LDB3: variants seen among roughly 807,000 people sequenced by gnomAD.
LDB3 encodes LIM domain binding 3.
LDB3 carries 49 observed loss-of-function variants against 69.0 expected under a neutral mutation model. That is an observed-to-expected ratio of 0.71 (90% confidence interval 0.56 to 0.90). The LOEUF (loss-of-function observed/expected upper bound fraction) is 0.90, where lower values mean the gene tolerates loss of function less well. Ranked by LOEUF, LDB3 falls within the 40% of genes least tolerant of loss-of-function variation. The pLI is 0.00. For missense variants in LDB3, 928 were observed against 974.1 expected, an observed-to-expected ratio of 0.95 and a Z score of 0.63; for synonymous variants, 387 against 396.2, an observed-to-expected ratio of 0.98 and a Z score of 0.28.
chr10:86,676,976 A>G (rs895511708), intron 2 of LDB3, among the ~76,000 whole-genome samples: 7 of 152,330 alleles, frequency 4.6e-5, no homozygotes, highest in Admixed American at 2.6e-4. Flanking sequence ...CTTGGCCTGA[A>G]TCTAGCTTCT....
At chr10:86,670,908 C>T (rs1240752991) in intron 2 of LDB3, among the ~76,000 whole-genome samples, 2 of 152,234 alleles carry the variant, frequency 1.3e-5, no homozygotes, top group Non-Finnish European at 2.9e-5. Context: ...TGTCCTGGTT[C>T]AGTGCCGCTG....
chr10:86,721,714 GC>G (rs1847089477), intron 12 of LDB3, among the ~76,000 whole-genome samples: 1 of 152,148 alleles, frequency 6.6e-6, no homozygotes, highest in Non-Finnish European at 1.5e-5. Context: ...AGATCTTCAG[GC>G]CCCACCCCAG....
At chr10:86,667,310 C>G (rs544704624), upstream of LDB3, among the ~76,000 whole-genome samples, 1 of 152,264 alleles carries the variant, frequency 6.6e-6, no homozygotes, top group South Asian at 2.1e-4. Context: ...CAGACCCCTC[C>G]AAGAGGGCCA....
At chr10:86,716,195 T>C in intron 9 of LDB3, 132 bp from the exon 10 acceptor site, 1 of 1,029,454 alleles carries the variant, frequency 9.7e-7, no homozygotes, top group Non-Finnish European at 1.5e-6. Context: ...GGAACAAGTC[T>C]CCCAAAAAAA....
At position 86,726,169 on chromosome 10, in the gene LDB3, G is replaced by A. The variant is rs1397121788; in HGVS notation, c.2011G>A (p.Gly671Ser). The change falls in exon 13 of 14, where the codon GGC (glycine) becomes AGC (serine). Residue 671 changes from glycine to serine, a missense_variant. Transcript: ENST00000361373. Reference sequence around the variant, plus strand: ...CAATCTGTTCAGCACCAAGTGCCATGGCTGCGATTTCCCCGTGGAGGCTGG... The same window carrying A: ...CAATCTGTTCAGCACCAAGTGCCATAGCTGCGATTTCCCCGTGGAGGCTGG... ...YINLFSTKCHGCDFPVEAGDK... is the reference protein window; with the variant it reads ...YINLFSTKCHSCDFPVEAGDK... 6.2e-7 allele frequency: 1 copy of A among 1,613,994 alleles called. No individual in the cohort carries two copies. Among genetic ancestry groups the A allele is most frequent in the Non-Finnish European group, 8.5e-7 (1 of 1,180,010 alleles).
intron 9 of LDB3, among the ~76,000 whole-genome samples, chr10:86,714,142 T>G (rs189003910): frequency 2.8e-4 from 43 of 152,334 alleles, no homozygotes; most frequent in African/African-American, 8.7e-4. Flanking sequence ...CCTTGTGAGA[T>G]ACTAAGAATC....
At chr10:86,678,312 C>G (rs1477241627) in intron 2 of LDB3, among the ~76,000 whole-genome samples, 1 of 147,998 alleles carries the variant, frequency 6.8e-6, no homozygotes, top group African/African-American at 2.5e-5. Flanking sequence ...GCTGGGATTA[C>G]AGGCATGAGC....
rs1589676793 is a variant in LDB3 at position 86,718,079 on chromosome 10, T to C, written c.1792T>C (p.Cys598Arg). Residue 598 changes from cysteine to arginine, a missense_variant, in exon 11 of 14, where the codon TGT (cysteine) becomes CGT (arginine). By Grantham distance (180) the Cys-to-Arg change is radical. Coordinates refer to ENST00000361373, the MANE Select transcript of LDB3 (RefSeq NM_007078.3). ...CFVEEQNNVY[C>R]ERCYEQFFAP... is the part of the protein sequence containing the mutation. ...TGTGGAAGAGCAGAACAACGTTTAC[T>C]GTGAGCGATGTTATGAGCAATTCTT... 1 of 1,614,184 alleles carries C rather than the reference T, an allele frequency of 6.2e-7. No individual in the cohort carries two copies. Among genetic ancestry groups the C allele is most frequent in the Non-Finnish European group, 8.5e-7 (1 of 1,180,030 alleles).
Position 86,687,275 on chromosome 10 carries a change from A to G in LDB3, c.690-4621A>G, listed in dbSNP as rs370053163. 3.0e-5 allele frequency: 48 copies of G among 1,613,820 alleles called. No individual in the cohort carries two copies. The African/African-American group carries it at 5.9e-4, about 20-fold the overall frequency. ...GCCCAAGGCAGTGACTTCAGTGGGT[A>G]AGCGCCTCCCTCCTCCACCGCCACT... On this transcript the variant is annotated intron_variant, in intron 5 of 13. Transcript: ENST00000361373.
intron 7 of LDB3, among the ~76,000 whole-genome samples, chr10:86,706,055 C>T (rs765068509): frequency 6.6e-6 from 1 of 152,186 alleles, no homozygotes; most frequent in Non-Finnish European, 1.5e-5. Flanking sequence ...GTTCTCACAA[C>T]TCCAGAGCCT....
In LDB3 at chr10:86,679,278, A is replaced by G. The variant is rs1217933101; in HGVS notation, c.94-89A>G. 5 of 1,509,024 alleles carry G rather than the reference A, an allele frequency of 3.3e-6. No individual in the cohort carries two copies. In the African/African-American group the frequency reaches 6.9e-5, roughly 21 times the overall value. 93.5% of individuals were successfully genotyped at this position (1,509,024 alleles called of 1,614,324 possible). ...AAAAACACAATGACGGCTTCTGTTG[A>G]ATACTCCCGGGTGACTCTTCCCCAA... On this transcript the variant is annotated intron_variant, in intron 2 of 13. Coordinates refer to ENST00000361373, the MANE Select transcript of LDB3 (RefSeq NM_007078.3).
At chr10:86,685,554 C>G in intron 5 of LDB3, 3 of 891,594 alleles carry the variant, frequency 3.4e-6, no homozygotes, top group Non-Finnish European at 5.7e-6. Context: ...CTCTCCTCAC[C>G]CATTGCGGTT....
Position 86,681,783 on chromosome 10 carries a change from G to A in LDB3, c.669G>A (p.Ser223=), listed in dbSNP as rs778089838. The stretch of plus-strand genomic sequence containing the variant: ...AGATGAGCCTCCGAGGGAAGGCCTC[G>A]GGTGTCGGACTCCCAGGAGGGTAGG... The part of the protein sequence containing the change: ...MYQMSLRGKA[S]GVGLPGGSLP... Residue 223 remains serine (S), a synonymous_variant, in exon 5 of 14, where the codon TCG becomes TCA. Transcript: ENST00000361373. The A allele has an allele frequency of 2.1e-5, 34 of 1,597,446 alleles. No individual in the cohort carries two copies. Among genetic ancestry groups the A allele is most frequent in the South Asian group, 6.8e-5 (6 of 88,224 alleles).
At chr10:86,713,281 T>C (rs1374762470) in intron 9 of LDB3, among the ~76,000 whole-genome samples, 2 of 152,030 alleles carry the variant, frequency 1.3e-5, no homozygotes, top group African/African-American at 2.4e-5. Context: ...AGTTTCTCTT[T>C]TGTTGCCCAG....
rs77840272 is a variant in LDB3, at chr10:86,699,746, T to C, written c.897-6785T>C. Reference sequence around the variant, plus strand: ...TGGGCCGCTGCTCAGTTTCCCACCATCCTCAGCTCCTGGCCTCATCCCCTC... The same window carrying C: ...TGGGCCGCTGCTCAGTTTCCCACCACCCTCAGCTCCTGGCCTCATCCCCTC... On this transcript the variant is annotated intron_variant, in intron 7 of 13. Transcript: ENST00000361373. This position sits in a 1 kb window ranked among gnomAD's most constrained non-coding sequence, Gnocchi z 4.9. The C allele has an allele frequency of 1.3e-3, 1,476 of 1,114,718 alleles. 19 individuals are homozygous for C. The African/African-American group carries it at 0.022, about 17-fold the overall frequency. The allele number at this position is 1,114,718 out of a possible 1,614,324, so 69.1% of individuals were successfully genotyped here.
At chr10:86,731,280 A>G (rs2047142339) in intron 13 of LDB3, among the ~76,000 whole-genome samples, 2 of 137,806 alleles carry the variant, frequency 1.5e-5, no homozygotes, top group Non-Finnish European at 3.1e-5. Context: ...GCTTGGGTAC[A>G]GTGGCATGAT....
rs897191567 is a variant in LDB3, at chr10:86,733,280, A to G, written c.*304A>G. On this transcript the variant is annotated 3_prime_UTR_variant, in exon 14 of 14. Coordinates refer to ENST00000361373, the MANE Select transcript of LDB3 (RefSeq NM_007078.3). ...GTGAAAAGCAACAAGCAGCTTTCCC[A>G]AAGCGATACACTTGCTTTGGTCACC... 7.9e-6 allele frequency: 3 copies of G among 379,058 alleles called. No individual in the cohort carries two copies. The highest frequency in any genetic ancestry group is 1.0e-5 in the Non-Finnish European group (2 of 197,432). The allele number at this position is 379,058 out of a possible 1,614,324, so 23.5% of individuals were successfully genotyped here.
rs560509600 is a variant in LDB3, at chr10:86,708,543, G to A, written c.1086-1362G>A. On this transcript the variant is annotated intron_variant, in intron 8 of 13. Coordinates refer to ENST00000361373, the MANE Select transcript of LDB3 (RefSeq NM_007078.3). ...AGCTAAGACCACTGCACCTTGGCCC[G>A]CCCCCATCACTATGGAAGCCTGGCA... is the stretch of plus-strand genomic sequence containing the variant. Among the ~76,000 whole-genome samples the A allele has an allele frequency of 3.3e-5, 5 of 152,212 alleles. No individual in the cohort carries two copies. In the East Asian group the frequency reaches 7.7e-4, roughly 24 times the overall value.
intron 5 of LDB3, among the ~76,000 whole-genome samples, chr10:86,689,586 G>A (rs1190698212): frequency 1.3e-5 from 2 of 152,296 alleles, no homozygotes; most frequent in East Asian, 1.9e-4. Flanking sequence ...AGCTCCCCCC[G>A]CCTTTCCTAT....
Sources: allele counts gnomAD v4.1 joint callset (sites outside exome capture counted in the v4.1 genomes callset), GRCh38; gene constraint gnomAD v4.1.1; non-coding constraint Gnocchi (gnomAD v3.1); transcripts MANE v1.5; gene names NCBI Gene and HGNC (gene_info 2026-07-23, HGNC 2026-07-21).